Variants in CDH4 observed in about 807,000 individuals in gnomAD.
CDH4 encodes the protein cadherin 4, also known as cadherin-4.
CDH4 carries 33 observed loss-of-function variants against 86.0 expected under a neutral mutation model. That is an observed-to-expected ratio of 0.38 (90% CI 0.29 to 0.51). The LOEUF is 0.51. CDH4 is among the 20% of genes least tolerant of loss of function. The pLI is 0.86. For synonymous variants in CDH4, 555 were observed against 549.4 expected, an observed-to-expected ratio of 1.01 and a Z score of -0.14; for missense variants, 1,114 against 1,307.4, an observed-to-expected ratio of 0.85 and a Z score of 2.28.
At chr20:61,389,183 T>G (rs1487052759) in intron 2 of CDH4, among the ~76,000 whole-genome samples, 3 of 152,110 alleles carry the variant, frequency 2.0e-5, no homozygotes, top group Non-Finnish European at 2.9e-5. Flanking sequence ...GCTGTGCACC[T>G]GTGTGCACTC....
Position 61,886,286 on chromosome 20 carries a change from G to T in CDH4, c.1051-8624G>T, listed in dbSNP as rs983765170. On this transcript the variant is annotated intron_variant, in intron 7 of 15. Coordinates refer to ENST00000614565, the MANE Select transcript of CDH4 (RefSeq NM_001794.5). ...CCAGCCGATGCTGGGTATGGCCAGGGCACGCTCGACTCAGGAAGCTTTGAT... is the reference window on the plus strand; with the variant it reads ...CCAGCCGATGCTGGGTATGGCCAGGTCACGCTCGACTCAGGAAGCTTTGAT... Among the ~76,000 whole-genome samples the T allele has an allele frequency of 2.0e-5, 3 of 152,204 alleles. No homozygotes were observed. The South Asian group carries it at 6.2e-4, about 31-fold the overall frequency.
chr20:61,933,907 G>C (rs914786073), intron 14 of CDH4, 149 bp from the exon 15 acceptor site: 2 of 843,728 alleles, frequency 2.4e-6, no homozygotes, highest in Non-Finnish European at 3.8e-6. Flanking sequence ...GGCACAGCAG[G>C]GGACAGCATG....
rs376832699 is a variant in CDH4, at chr20:61,844,648, G to A, written c.577-20G>A. On this transcript the variant is annotated intron_variant, in intron 4 of 15. Coordinates refer to ENST00000614565, the MANE Select transcript of CDH4 (RefSeq NM_001794.5). ...CCTCACCACAGGATAACCTCTTCTCGCTTTGCTCCTGCCTTTCAGATCCGG... is the reference window on the plus strand; with the variant it reads ...CCTCACCACAGGATAACCTCTTCTCACTTTGCTCCTGCCTTTCAGATCCGG... The A allele has an allele frequency of 8.8e-6, 14 of 1,599,966 alleles. No individual in the cohort carries two copies. Among genetic ancestry groups the A allele is most frequent in the African/African-American group, 4.0e-5 (3 of 74,724 alleles).
At chr20:61,374,317 A>G (rs2145437703) in intron 2 of CDH4, among the ~76,000 whole-genome samples, 1 of 152,274 alleles carries the variant, frequency 6.6e-6, no homozygotes, top group East Asian at 1.9e-4. Context: ...AGAGAAGGTG[A>G]TGACTGGAGG....
intron 2 of CDH4, among the ~76,000 whole-genome samples, chr20:61,535,973 C>T (rs771230850): frequency 6.6e-6 from 1 of 152,162 alleles, no homozygotes; most frequent in African/African-American, 2.4e-5. Context: ...GGGTGCTTAC[C>T]TCCCTCAGTA....
At position 61,565,221 on chromosome 20, in the gene CDH4, T is replaced by G. The variant is rs1310900146; in HGVS notation, c.170-178342T>G. Among the ~76,000 whole-genome samples, 102 of 40,562 alleles carry G rather than the reference T, an allele frequency of 2.5e-3. 15 individuals are homozygous for G. Among genetic ancestry groups the G allele is most frequent in the African/African-American group, 7.1e-3 (50 of 7,072 alleles). The allele number at this position is 40,562 out of a possible 152,430, so 26.6% of individuals were successfully genotyped here. The stretch of plus-strand genomic sequence containing the variant: ...GTGGTGGTCGCGGTGCTCTCGGTGG[T>G]AGGTGGTGGTGGTGGTGGTGGCGGT... On this transcript the variant is annotated intron_variant, in intron 2 of 15. Transcript: ENST00000614565.
At chr20:61,744,301 G>C (rs903405196) in intron 3 of CDH4, among the ~76,000 whole-genome samples, 6 of 151,736 alleles carry the variant, frequency 4.0e-5, no homozygotes, top group African/African-American at 1.2e-4. Flanking sequence ...AAGAGAATGA[G>C]AGAGGGATGG....
At chr20:61,400,852 C>T (rs1218927010) in intron 2 of CDH4, among the ~76,000 whole-genome samples, 3 of 152,252 alleles carry the variant, frequency 2.0e-5, no homozygotes, top group Non-Finnish European at 4.4e-5. Flanking sequence ...CTGCCCCCTT[C>T]CAGAGCCTCA....
chr20:61,709,420 G>A lies in CDH4; in HGVS notation c.170-34143G>A, dbSNP rs923503558. Reference sequence around the variant, plus strand: ...CACCCAAGTAGTTGGGATTACAGGCGGGTGCCACCATGCCCGGCTATTTTT... The same window carrying A: ...CACCCAAGTAGTTGGGATTACAGGCAGGTGCCACCATGCCCGGCTATTTTT... On this transcript the variant is annotated intron_variant, in intron 2 of 15. Transcript: ENST00000614565. The surrounding 1 kb of genome is among the most constrained non-coding windows in gnomAD (Gnocchi z 4.8). Among the ~76,000 whole-genome samples the A allele has an allele frequency of 5.9e-5, 9 of 151,906 alleles. No homozygotes were observed. The South Asian group carries it at 6.3e-4, about 11-fold the overall frequency.
chr20:61,554,850 G>A (rs1399373249), intron 2 of CDH4, among the ~76,000 whole-genome samples: 4 of 151,950 alleles, frequency 2.6e-5, no homozygotes, highest in Middle Eastern at 3.4e-3. Flanking sequence ...GCATGTATGC[G>A]TGAGTTCGCA....
At chr20:61,349,482 G>C (rs1415318417) in intron 2 of CDH4, among the ~76,000 whole-genome samples, 1 of 152,270 alleles carries the variant, frequency 6.6e-6, no homozygotes, top group Non-Finnish European at 1.5e-5. Context: ...CAAAGTCAGT[G>C]AGGGAAAATC....
chr20:61,570,870 G>A lies in CDH4; in HGVS notation c.170-172693G>A, dbSNP rs548966374. ...AGTGTGTTGCGTTTGGATGTGTAGTGGCTGTTAAGAAGTTTGTCAGCTTCT... is the reference window on the plus strand; with the variant it reads ...AGTGTGTTGCGTTTGGATGTGTAGTAGCTGTTAAGAAGTTTGTCAGCTTCT... On this transcript the variant is annotated intron_variant, in intron 2 of 15. Coordinates refer to ENST00000614565, the MANE Select transcript of CDH4 (RefSeq NM_001794.5). 1.0e-5 allele frequency: 7 copies of A among 685,782 alleles called. No homozygotes were observed. The East Asian group carries it at 1.6e-4, about 16-fold the overall frequency. The allele number at this position is 685,782 out of a possible 1,614,324, so 42.5% of individuals were successfully genotyped here.
chr20:61,803,403 T>G (rs1979942110), intron 4 of CDH4, among the ~76,000 whole-genome samples: 1 of 152,252 alleles, frequency 6.6e-6, no homozygotes, highest in Admixed American at 6.5e-5. Flanking sequence ...AATTTAAGTC[T>G]GGCTCCCAAA....
At chr20:61,643,580 C>T (rs554647402) in intron 2 of CDH4, among the ~76,000 whole-genome samples, 5 of 152,342 alleles carry the variant, frequency 3.3e-5, no homozygotes, top group Admixed American at 2.0e-4. Flanking sequence ...CTCCTTCACC[C>T]GTGTGTCCCA....
In CDH4 at chr20:61,754,634, A is replaced by ACACACGCCCCACACACCACACG. The variant is rs2088537291; in HGVS notation, c.396+10851_396+10872dup. Among the ~76,000 whole-genome samples the ACACACGCCCCACACACCACACG allele has an allele frequency of 6.7e-6, 1 of 148,188 alleles. No individual in the cohort carries two copies. Among genetic ancestry groups the ACACACGCCCCACACACCACACG allele is most frequent in the Non-Finnish European group, 1.5e-5 (1 of 67,898 alleles). On this transcript the variant is annotated intron_variant, in intron 3 of 15. Transcript: ENST00000614565. The surrounding 1 kb of genome is among the most constrained non-coding windows in gnomAD (Gnocchi z 4.7). The stretch of plus-strand genomic sequence containing the variant: ...ACGGTGCACGGCACACACACCACAC[A>ACACACGCCCCACACACCACACG]CACACGCCCCACACACCACACGCAC...
rs62201792 is a variant in CDH4 at position 61,534,891 on chromosome 20, T to A, written c.170-208672T>A. 3.5e-5 allele frequency among the ~76,000 whole-genome samples: 4 copies of A among 113,536 alleles called. 1 individual carries two copies. The South Asian group carries it at 1.2e-3, about 33-fold the overall frequency. 74.5% of individuals were successfully genotyped at this position (113,536 alleles called of 152,430 possible). On this transcript the variant is annotated intron_variant, in intron 2 of 15. Coordinates refer to ENST00000614565, the MANE Select transcript of CDH4 (RefSeq NM_001794.5). Reference sequence around the variant, plus strand: ...AGATGCCTGCTCATCCTCAACCCGATGGCCTCCCTTGCTGGGACGCTCCTT... The same window carrying A: ...AGATGCCTGCTCATCCTCAACCCGAAGGCCTCCCTTGCTGGGACGCTCCTT...
intron 5 of CDH4, among the ~76,000 whole-genome samples, chr20:61,849,528 G>C (rs1358574853): frequency 6.6e-6 from 1 of 152,064 alleles, no homozygotes; most frequent in African/African-American, 2.4e-5. Flanking sequence ...CCCGGCCCTA[G>C]GGAGGATCTG....
At chr20:61,741,719 C>T (rs1249288331) in intron 2 of CDH4, among the ~76,000 whole-genome samples, 1 of 152,150 alleles carries the variant, frequency 6.6e-6, no homozygotes, top group African/African-American at 2.4e-5. Context: ...TCTCGATCCC[C>T]TGACCTCGTG....
Position 61,681,808 on chromosome 20 carries a change from A to T in CDH4, c.170-61755A>T, listed in dbSNP as rs2087517485. On this transcript the variant is annotated intron_variant, in intron 2 of 15. Transcript: ENST00000614565. This position sits in a 1 kb window ranked among gnomAD's most constrained non-coding sequence, Gnocchi z 4.5. ...CTGACATTCCTTTGGCTTCCTGGTGATGGAGGGACAGACAGAGCATCCCCA... is the reference window on the plus strand; with the variant it reads ...CTGACATTCCTTTGGCTTCCTGGTGTTGGAGGGACAGACAGAGCATCCCCA... 6.6e-6 allele frequency among the ~76,000 whole-genome samples: 1 copy of T among 152,112 alleles called. No homozygotes were observed. The highest frequency in any genetic ancestry group is 6.5e-5 in the Admixed American group (1 of 15,278).
Sources: gnomAD v4.1 joint callset for allele counts (sites outside exome capture counted in the v4.1 genomes callset) on GRCh38, gnomAD v4.1.1 for gene constraint, Gnocchi (gnomAD v3.1) non-coding constraint, MANE v1.5 for transcripts, NCBI Gene and HGNC (gene_info 2026-07-23, HGNC 2026-07-21) for gene names.